CDH23: variants seen among roughly 807,000 people sequenced by gnomAD.
CDH23 encodes cadherin-23.
In CDH23, 189 loss-of-function variants were observed where a neutral mutation model predicts 317.1. That is an observed-to-expected ratio of 0.60 (90% CI 0.53 to 0.67). CDH23 has a LOEUF of 0.67. Among genes scored for constraint, CDH23 ranks in the 30% least tolerant of loss-of-function variants. The probability of loss-of-function intolerance (pLI) is 0.00; values close to 1 mark genes in which losing one functional copy is unlikely to be tolerated. For missense variants in CDH23, 4,401 were observed against 4,592.4 expected, an observed-to-expected ratio of 0.96 and a Z score of 1.20; for synonymous variants, 1,839 against 1,876.8, an observed-to-expected ratio of 0.98 and a Z score of 0.52.
rs57981317 is a variant in CDH23 at position 71,609,995 on chromosome 10, T to TGAGAGAGA, written c.833-5508_833-5501dup. Among the ~76,000 whole-genome samples the TGAGAGAGA allele has an allele frequency of 1.3e-3, 178 of 140,922 alleles. 1 individual carries two copies. The highest frequency in any genetic ancestry group is 7.5e-3 in the East Asian group (35 of 4,678). The allele number at this position is 140,922 out of a possible 152,430, so 92.5% of individuals were successfully genotyped here. On this transcript the variant is annotated intron_variant, in intron 9 of 69. Transcript: ENST00000224721. ...GTGTGTGTGTGTGTGTGTGTGTGTG[T>TGAGAGAGA]GAGAGAGACAGAGAGACGAGAGAGA...
At chr10:71,409,677 G>C (rs1312210627) in intron 1 of CDH23, among the ~76,000 whole-genome samples, 1 of 152,074 alleles carries the variant, frequency 6.6e-6, no homozygotes, top group Non-Finnish European at 1.5e-5. Flanking sequence ...GTCAGCAGGG[G>C]CCTGACCCCT....
intron 38 of CDH23, among the ~76,000 whole-genome samples, chr10:71,757,187 G>A (rs1184287735): frequency 1.3e-5 from 2 of 152,222 alleles, no homozygotes; most frequent in Admixed American, 6.5e-5. Context: ...GATCAAAGCA[G>A]GTCTCCTCTG....
chr10:71,632,736 C>T (rs1450468132), intron 11 of CDH23, among the ~76,000 whole-genome samples: 1 of 152,110 alleles, frequency 6.6e-6, no homozygotes, highest in Non-Finnish European at 1.5e-5. Context: ...GAACACCCTC[C>T]ACCACCTTTG....
At chr10:71,543,025 G>A (rs780146436) in intron 6 of CDH23, among the ~76,000 whole-genome samples, 12 of 152,356 alleles carry the variant, frequency 7.9e-5, no homozygotes, top group Admixed American at 5.2e-4. Flanking sequence ...AGAGGCCAGC[G>A]TTGCAGTGCT....
chr10:71,467,127 A>G (rs1203293769), intron 3 of CDH23, among the ~76,000 whole-genome samples: 1 of 152,002 alleles, frequency 6.6e-6, no homozygotes, highest in Non-Finnish European at 1.5e-5. Flanking sequence ...ACAAGGCAGA[A>G]TGGCTCCGCG....
At chr10:71,508,688 T>C (rs947769073) in intron 3 of CDH23, among the ~76,000 whole-genome samples, 2 of 152,222 alleles carry the variant, frequency 1.3e-5, no homozygotes, top group African/African-American at 4.8e-5. Flanking sequence ...AGGTAGTGTC[T>C]GTCTCATTTT....
intron 55 of CDH23, among the ~76,000 whole-genome samples, chr10:71,805,506 A>AGGGCG (rs1049664596): frequency 5.3e-5 from 8 of 152,318 alleles, no homozygotes; most frequent in Non-Finnish European, 8.8e-5. Context: ...TGGGACTGGA[A>AGGGCG]GGGCGGAGGC....
At chr10:71,753,754 G>C (rs984326379) in intron 38 of CDH23, 1 of 456,378 alleles carries the variant, frequency 2.2e-6, no homozygotes, top group Non-Finnish European at 4.4e-6. Context: ...ATTTACTGCT[G>C]ATTACGATGG....
chr10:71,730,645 A>C (rs375560853), intron 31 of CDH23, 41 bp downstream of exon 31: 300 of 1,611,112 alleles, frequency 1.9e-4, no homozygotes, highest in Non-Finnish European at 2.5e-4. Context: ...CATTGCTCAG[A>C]GCAAACCTCC....
intron 6 of CDH23, among the ~76,000 whole-genome samples, chr10:71,540,123 T>C (rs1301217993): frequency 6.6e-6 from 1 of 152,146 alleles, no homozygotes; most frequent in East Asian, 1.9e-4. Flanking sequence ...GCATAGGCCA[T>C]CTCAGATGTT....
At chr10:71,695,849 C>T (rs1228109292) in intron 22 of CDH23, among the ~76,000 whole-genome samples, 1 of 152,176 alleles carries the variant, frequency 6.6e-6, no homozygotes, top group Non-Finnish European at 1.5e-5. Flanking sequence ...AGGACTCTGG[C>T]CACCCCCTCT....
intron 1 of CDH23, among the ~76,000 whole-genome samples, chr10:71,437,459 C>T (rs149560778): frequency 6.6e-6 from 1 of 152,324 alleles, no homozygotes; most frequent in East Asian, 1.9e-4. Flanking sequence ...AGAGGTAATT[C>T]TAAGCAATGT....
chr10:71,505,365 G>C (rs1189834203), intron 3 of CDH23, among the ~76,000 whole-genome samples: 2 of 152,226 alleles, frequency 1.3e-5, no homozygotes, highest in Non-Finnish European at 2.9e-5. Context: ...AGACTAAGCA[G>C]CTTTTGTAAG....
At chr10:71,491,785 T>C (rs1852674545) in intron 3 of CDH23, among the ~76,000 whole-genome samples, 1 of 152,164 alleles carries the variant, frequency 6.6e-6, no homozygotes. Context: ...CTGCTCCTGT[T>C]TGTGGGGTGT....
intron 6 of CDH23, among the ~76,000 whole-genome samples, chr10:71,565,582 A>G (rs1857352247): frequency 6.6e-6 from 1 of 152,170 alleles, no homozygotes; most frequent in Non-Finnish European, 1.5e-5. Flanking sequence ...TACTGTTAAT[A>G]TCAGTGCTTC....
chr10:71,793,071 T>C, intron 47 of CDH23, 111 bp from the exon 48 acceptor site: 1 of 747,282 alleles, frequency 1.3e-6, no homozygotes. Flanking sequence ...GAAAATGCTG[T>C]CAAGGCTGTC....
chr10:71,560,298 C>G (rs1857067040), intron 6 of CDH23, among the ~76,000 whole-genome samples: 1 of 152,188 alleles, frequency 6.6e-6, no homozygotes, highest in Non-Finnish European at 1.5e-5. Context: ...CAATGGGAGC[C>G]CATTTTCTTA....
At chr10:71,412,619 A>G (rs1848387756) in intron 1 of CDH23, among the ~76,000 whole-genome samples, 1 of 152,164 alleles carries the variant, frequency 6.6e-6, no homozygotes, top group African/African-American at 2.4e-5. Flanking sequence ...AGTGATCTTC[A>G]CGCCTCAGCT....
At chr10:71,522,054 C>A (rs1018329240) in intron 6 of CDH23, among the ~76,000 whole-genome samples, 16 of 152,114 alleles carry the variant, frequency 1.1e-4, no homozygotes, top group Non-Finnish European at 2.1e-4. Flanking sequence ...CTGTCTGGAG[C>A]TTAAAGCCTC....
Sources: gnomAD v4.1 joint callset for allele counts (sites outside exome capture counted in the v4.1 genomes callset) on GRCh38, gnomAD v4.1.1 for gene constraint, MANE v1.5 for transcripts, NCBI Gene and HGNC (gene_info 2026-07-23, HGNC 2026-07-21) for gene names.